The following GLI3 variants were observed in gnomAD, a reference collection of about 807,000 sequenced individuals.
GLI3 encodes transcription activator GLI3.
GLI3 carries 20 observed loss-of-function variants against 100.8 expected under a neutral mutation model. The ratio of observed to expected loss-of-function variants is 0.20; its 90% CI spans 0.14 to 0.29. The LOEUF (loss-of-function observed/expected upper bound fraction) is 0.29. Ranked by LOEUF, GLI3 falls within the 10% of genes least tolerant of loss-of-function variation. The pLI is 1.00. For missense variants in GLI3, 2,040 were observed against 2,128.5 expected, an observed-to-expected ratio of 0.96 and a Z score of 0.82; for synonymous variants, 938 against 860.5, an observed-to-expected ratio of 1.09 and a Z score of -1.58.
chr7:42,052,436 T>C (rs144230658), intron 4 of GLI3, among the ~76,000 whole-genome samples: 2,355 of 152,154 alleles, frequency 0.015, 49 homozygotes, highest in African/African-American at 0.055. Context: ...GTTAAGAAAA[T>C]GAAGTCAGTA....
chr7:42,184,144 C>T (rs1292960940), intron 2 of GLI3, among the ~76,000 whole-genome samples: 1 of 152,252 alleles, frequency 6.6e-6, no homozygotes, highest in East Asian at 1.9e-4. Flanking sequence ...GGTGCCCTCT[C>T]TAGAACGCTC....
chr7:42,030,850 C>T (rs1033010632), intron 7 of GLI3, among the ~76,000 whole-genome samples: 2 of 152,030 alleles, frequency 1.3e-5, no homozygotes, highest in African/African-American at 2.4e-5. Flanking sequence ...TCCCGAGCAG[C>T]TGGGATTACA....
At chr7:41,969,252 A>G (rs1219823187) in intron 13 of GLI3, among the ~76,000 whole-genome samples, 1 of 152,172 alleles carries the variant, frequency 6.6e-6, no homozygotes, top group Admixed American at 6.5e-5. Context: ...GGCTACTTCC[A>G]TGCGTCTGCA....
intron 1 of GLI3, among the ~76,000 whole-genome samples, chr7:42,250,565 C>A (rs1789020464): frequency 6.6e-6 from 1 of 152,174 alleles, no homozygotes; most frequent in Admixed American, 6.5e-5. Context: ...AACTGACCTC[C>A]AACCAGCCAG....
rs77546612 is a variant in GLI3, at chr7:41,990,339, G to T, written c.1498-11591C>A. Among the ~76,000 whole-genome samples, 422 of 152,186 alleles carry T rather than the reference G, an allele frequency of 2.8e-3. 2 individuals are homozygous for T. The highest frequency in any genetic ancestry group is 7.3e-3 in the South Asian group (35 of 4,818). ...AATCCACATGAAGCCTAAGCATATAGGTATTACTAGTAAAGGATCTGAACA... is the reference window on the plus strand; with the variant it reads ...AATCCACATGAAGCCTAAGCATATATGTATTACTAGTAAAGGATCTGAACA... On this transcript the variant is annotated intron_variant, in intron 10 of 14. Transcript: ENST00000395925.
At chr7:42,005,428 C>A (rs544631304) in intron 10 of GLI3, among the ~76,000 whole-genome samples, 1 of 148,036 alleles carries the variant, frequency 6.8e-6, no homozygotes, top group East Asian at 2.0e-4. Flanking sequence ...TGCTTAACTG[C>A]TAAAAAACAT....
At chr7:42,115,624 A>T (rs1785834401) in intron 3 of GLI3, among the ~76,000 whole-genome samples, 1 of 152,114 alleles carries the variant, frequency 6.6e-6, no homozygotes, top group Non-Finnish European at 1.5e-5. Flanking sequence ...TCCTACACCT[A>T]TTTCCCTACA....
chr7:42,089,697 G>A (rs1214809813), intron 3 of GLI3, among the ~76,000 whole-genome samples: 2 of 152,122 alleles, frequency 1.3e-5, no homozygotes, highest in Non-Finnish European at 2.9e-5. Flanking sequence ...GTATTTTCTA[G>A]ATTTCTATAA....
rs571303415 is a variant in GLI3 at position 41,968,379 on chromosome 7, G to A, written c.2104-456C>T. Among the ~76,000 whole-genome samples the A allele has an allele frequency of 2.2e-3, 342 of 152,252 alleles. 1 individual carries two copies. Among genetic ancestry groups the A allele is most frequent in the Non-Finnish European group, 3.5e-3 (238 of 68,020 alleles). ...GAGCACACAAGTATAAAAAGACCTGGATAATAGCAATTGGTTCACAGGATG... is the reference window on the plus strand; with the variant it reads ...GAGCACACAAGTATAAAAAGACCTGAATAATAGCAATTGGTTCACAGGATG... On this transcript the variant is annotated intron_variant, in intron 13 of 14. Transcript: ENST00000395925.
At chr7:42,211,424 A>C (rs1240707157) in intron 2 of GLI3, among the ~76,000 whole-genome samples, 4 of 152,224 alleles carry the variant, frequency 2.6e-5, no homozygotes, top group African/African-American at 4.8e-5. Flanking sequence ...ACAAGCCTAG[A>C]AACATTAGTA....
At chr7:42,229,045 T>C (rs1788641209) in intron 1 of GLI3, among the ~76,000 whole-genome samples, 1 of 152,196 alleles carries the variant, frequency 6.6e-6, no homozygotes, top group African/African-American at 2.4e-5. Flanking sequence ...AACACTAAAA[T>C]GTTTAAAAAT....
intron 1 of GLI3, among the ~76,000 whole-genome samples, chr7:42,227,323 A>AG (rs539857543): frequency 9.5e-4 from 115 of 120,704 alleles, no homozygotes; most frequent in African/African-American, 3.1e-3. Flanking sequence ...AGCTCGGTGA[A>AG]GAAAAAAAAA....
intron 2 of GLI3, among the ~76,000 whole-genome samples, chr7:42,174,641 C>T (rs879619911): frequency 2.0e-5 from 3 of 152,168 alleles, no homozygotes; most frequent in Non-Finnish European, 4.4e-5. Flanking sequence ...AAGCACATTT[C>T]GGTTCACAAA....
At position 41,964,502 on chromosome 7, in the gene GLI3, C is replaced by G. The variant is rs765262389; in HGVS notation, c.4571G>C (p.Ser1524Thr). Residue 1524 changes from serine (S) to threonine (T), a missense_variant, in exon 15 of 15, where the codon AGC becomes ACC. By Grantham distance (58) the Ser-to-Thr change is moderately conservative. Transcript: ENST00000395925. ...DHSSLMSGAL[S>T]PSIIQNLSHS... ...GGAAAGGTTCTGAATGATACTTGGG[C>G]TCAGGGCCCCCGACATCAGGCTGGA... 1 of 1,614,156 alleles carries G rather than the reference C, an allele frequency of 6.2e-7. No individual in the cohort carries two copies. The highest frequency in any genetic ancestry group is 8.5e-7 in the Non-Finnish European group (1 of 1,179,992).
chr7:42,199,498 G>A (rs1347315500), intron 2 of GLI3, among the ~76,000 whole-genome samples: 1 of 152,138 alleles, frequency 6.6e-6, no homozygotes, highest in East Asian at 1.9e-4. Context: ...TCCCAGCTGG[G>A]GCAGACAGCT....
In GLI3 at chr7:42,262,209, T is replaced by TTCCTTCCTTCCTTCCTTACTTCC. The variant is rs1186292634; in HGVS notation, c.-43+1784_-43+1785insGGAAGTAAGGAAGGAAGGAAGGA. On this transcript the variant is annotated intron_variant, in intron 1 of 2. Transcript: ENST00000678978. Reference sequence around the variant, plus strand: ...TTCTTTTATTTTTTTTCCTTCCTTCTTTCCTTCCTTCCTTCTTTCCTTCCT... The same window carrying TTCCTTCCTTCCTTCCTTACTTCC: ...TTCTTTTATTTTTTTTCCTTCCTTCTTCCTTCCTTCCTTCCTTACTTCCTTCCTTCCTTCCTTCTTTCCTTCCT... 2.3e-4 allele frequency among the ~76,000 whole-genome samples: 26 copies of TTCCTTCCTTCCTTCCTTACTTCC among 110,898 alleles called. 1 individual carries two copies. The highest frequency in any genetic ancestry group is 4.8e-4 in the African/African-American group (12 of 25,096). 72.8% of individuals were successfully genotyped at this position (110,898 alleles called of 152,430 possible). A position where few individuals can be genotyped will look rare whatever the true frequency, so the allele number is the denominator to read the frequency against.
rs192384049 is a variant in GLI3 at position 42,252,985 on chromosome 7, T to A, written c.-43+11009A>T. Reference sequence around the variant, plus strand: ...TTATTAAAATGTCTAAAAGCTCTTTTTCTTTCATTGACAAAGGTGGAAACG... The same window carrying A: ...TTATTAAAATGTCTAAAAGCTCTTTATCTTTCATTGACAAAGGTGGAAACG... On this transcript the variant is annotated intron_variant, in intron 1 of 2. Coordinates refer to the GLI3 transcript ENST00000678978. Among the ~76,000 whole-genome samples, 129 of 152,292 alleles carry A rather than the reference T, an allele frequency of 8.5e-4. 3 individuals are homozygous for A. Among genetic ancestry groups the A allele is most frequent in the Non-Finnish European group, 2.1e-4 (14 of 68,026 alleles).
intron 3 of GLI3, among the ~76,000 whole-genome samples, chr7:42,108,013 T>G (rs1377024083): frequency 6.6e-6 from 1 of 152,198 alleles, no homozygotes; most frequent in Non-Finnish European, 1.5e-5. Context: ...CAACTGCTTT[T>G]CAACCAAATT....
rs868003366 is a variant in GLI3 at position 42,019,929 on chromosome 7, G to C, written c.1497+3539C>G. On this transcript the variant is annotated intron_variant, in intron 10 of 14. Coordinates refer to ENST00000395925, the MANE Select transcript of GLI3 (RefSeq NM_000168.6). The stretch of plus-strand genomic sequence containing the variant: ...TACACACCTATCTTCTTAGCTTCTG[G>C]TCACAGAAGTAAATTTATGACAAAT... Among the ~76,000 whole-genome samples, 12 of 152,100 alleles carry C rather than the reference G, an allele frequency of 7.9e-5. No homozygotes were observed. In the South Asian group the frequency reaches 1.0e-3, roughly 13 times the overall value.
Sources: gnomAD v4.1 joint callset for allele counts (sites outside exome capture counted in the v4.1 genomes callset) on GRCh38, gnomAD v4.1.1 for gene constraint, MANE v1.5 for transcripts, NCBI Gene and HGNC (gene_info 2026-07-23, HGNC 2026-07-21) for gene names.